SLIT3: variants seen among roughly 807,000 people sequenced by gnomAD.
SLIT3 encodes slit guidance ligand 3.
A neutral mutation model predicts 184.0 loss-of-function variants in SLIT3; 68 were observed. That is an observed-to-expected ratio of 0.37 (90% CI 0.30 to 0.45). The LOEUF is 0.45. Among genes scored for constraint, SLIT3 ranks in the 20% least tolerant of loss-of-function variants. SLIT3 has a pLI of 1.00. For synonymous variants in SLIT3, 831 were observed against 828.6 expected, an observed-to-expected ratio of 1.00 and a Z score of -0.05; for missense variants, 1,707 against 2,026.0, an observed-to-expected ratio of 0.84 and a Z score of 3.02.
At chr5:169,262,463 C>G (rs569804101) in intron 1 of SLIT3, among the ~76,000 whole-genome samples, 32 of 152,072 alleles carry the variant, frequency 2.1e-4, no homozygotes, top group Non-Finnish European at 4.3e-4. Flanking sequence ...AGAATGGAAA[C>G]AAAAAGGTCC....
chr5:168,817,173 A>G (rs889009667), intron 8 of SLIT3, 127 bp downstream of exon 8: 18 of 790,156 alleles, frequency 2.3e-5, no homozygotes, highest in South Asian at 3.3e-5. Flanking sequence ...ACTGAGGACG[A>G]CCTATGGGGT....
rs1761121188 is a variant in SLIT3, at chr5:169,127,402, C to A, written c.413+66077G>T. Among the ~76,000 whole-genome samples, 6 of 152,202 alleles carry A rather than the reference C, an allele frequency of 3.9e-5. No homozygotes were observed. In the South Asian group the frequency reaches 1.0e-3, roughly 26 times the overall value. ...CTCCACACAAAATGGTTTGCCCAGG[C>A]ACAGACAAAATATTTTAGTTTTGTG... On this transcript the variant is annotated intron_variant, in intron 4 of 35. Transcript: ENST00000519560.
chr5:169,263,245 G>T (rs1452268863), intron 1 of SLIT3, among the ~76,000 whole-genome samples: 1 of 152,198 alleles, frequency 6.6e-6, no homozygotes, highest in Non-Finnish European at 1.5e-5. Flanking sequence ...AGGAGGCTGA[G>T]GTGGCAGGAT....
intron 6 of SLIT3, among the ~76,000 whole-genome samples, chr5:168,824,129 A>C (rs1420806805): frequency 1.3e-5 from 2 of 152,024 alleles, no homozygotes; most frequent in East Asian, 3.9e-4. Flanking sequence ...TAGAGACAGG[A>C]TTTCACCATG....
At position 168,785,919 on chromosome 5, in the gene SLIT3, G is replaced by A. The variant is rs1197367816; in HGVS notation, c.1139C>T (p.Ser380Phe). 1 of 1,612,090 alleles carries A rather than the reference G, an allele frequency of 6.2e-7. No homozygotes were observed. The highest frequency in any genetic ancestry group is 1.1e-5 in the South Asian group (1 of 91,012). ...AGTTCCTACTCACAGCAGCTGTAGGGACACCAGCCCATCAAACAGTCCCTT... is the reference window on the plus strand; with the variant it reads ...AGTTCCTACTCACAGCAGCTGTAGGAACACCAGCCCATCAAACAGTCCCTT... ...IVKGLFDGLV[S>F]LQLLLLNANK... The change falls in exon 12 of 36, where the codon TCC (serine) becomes TTC (phenylalanine). Residue 380 changes from serine to phenylalanine, a missense_variant. Ser to Phe is a radical substitution (Grantham distance 155). Transcript: ENST00000519560.
chr5:168,670,109 TTC>T, intron 34 of SLIT3, 118 bp from the exon 35 acceptor site: 1 of 803,234 alleles, frequency 1.2e-6, no homozygotes, highest in Non-Finnish European at 2.1e-6. Flanking sequence ...TCCAATAGCT[TTC>T]TCTGTTTCCT....
At chr5:168,871,128 G>A (rs908790381) in intron 5 of SLIT3, among the ~76,000 whole-genome samples, 1 of 152,328 alleles carries the variant, frequency 6.6e-6, no homozygotes, top group East Asian at 1.9e-4. Flanking sequence ...CTGTTTTCCT[G>A]TCTTTTCCAG....
chr5:168,833,826 CT>C (rs889760182), intron 6 of SLIT3, among the ~76,000 whole-genome samples: 1 of 151,534 alleles, frequency 6.6e-6, no homozygotes, highest in Non-Finnish European at 1.5e-5. Context: ...GAGGGAGTTT[CT>C]TTTTTTTTAA....
At position 168,775,483 on chromosome 5, in the gene SLIT3, C is replaced by A. The variant is rs116768440; in HGVS notation, c.1152-1105G>T. ...CGCTCCTCAGAGAGGCCGGCCCTGA[C>A]CCCCTCATCTACAATGGGACCCTCA... On this transcript the variant is annotated intron_variant, in intron 12 of 35. Transcript: ENST00000519560. Among the ~76,000 whole-genome samples the A allele has an allele frequency of 1.5e-3, 232 of 152,192 alleles. 1 individual carries two copies. The highest frequency in any genetic ancestry group is 5.3e-3 in the African/African-American group (219 of 41,510).
At chr5:169,189,527 G>GATATATATATAT (rs4042723) in intron 4 of SLIT3, among the ~76,000 whole-genome samples, 3 of 80,314 alleles carry the variant, frequency 3.7e-5, no homozygotes, top group Admixed American at 2.4e-4. Context: ...AGATAGATGG[G>GATATATATATAT]ATATATATAT....
chr5:168,807,168 G>A (rs12522202), intron 8 of SLIT3, among the ~76,000 whole-genome samples: 20,325 of 152,156 alleles, frequency 0.13, 1,666 homozygotes, highest in East Asian at 0.29. Context: ...AAAAAGGTGA[G>A]TAAGTTACTA....
intron 24 of SLIT3, among the ~76,000 whole-genome samples, chr5:168,711,947 G>A (rs1280193122): frequency 3.3e-5 from 5 of 152,186 alleles, no homozygotes; most frequent in African/African-American, 1.2e-4. Context: ...GCTGTGCCAT[G>A]CTTAGACACA....
intron 4 of SLIT3, among the ~76,000 whole-genome samples, chr5:169,000,099 G>C (rs1755651434): frequency 1.3e-5 from 2 of 152,178 alleles, no homozygotes; most frequent in Admixed American, 6.5e-5. Context: ...CAAATGCTGC[G>C]ATCATTATTA....
intron 4 of SLIT3, among the ~76,000 whole-genome samples, chr5:169,034,932 TGTGTGTG>T (rs1757177469): frequency 1.3e-5 from 2 of 149,928 alleles, no homozygotes; most frequent in African/African-American, 5.0e-5. Context: ...TGTGTGTGTG[TGTGTGTG>T]TGTGTGTGTG....
In SLIT3 at chr5:168,666,359, C is replaced by CATTTCCTT; in HGVS notation, c.*87_*94dup. 1.6e-6 allele frequency: 2 copies of CATTTCCTT among 1,220,550 alleles called. No homozygotes were observed. Among genetic ancestry groups the CATTTCCTT allele is most frequent in the Non-Finnish European group, 2.2e-6 (2 of 913,242 alleles). 75.6% of individuals were successfully genotyped at this position (1,220,550 alleles called of 1,614,324 possible). ...TCTTCTTTACCTTCCTCTCCAGCTT[C>CATTTCCTT]ATTTCCTTCATGCTGAATCACCAGG... On this transcript the variant is annotated 3_prime_UTR_variant, in exon 36 of 36. Transcript: ENST00000519560.
At chr5:168,826,053 C>T (rs1281030107) in intron 6 of SLIT3, among the ~76,000 whole-genome samples, 2 of 152,196 alleles carry the variant, frequency 1.3e-5, no homozygotes, top group Non-Finnish European at 1.5e-5. Context: ...CATTCAACAT[C>T]AGGTGGAGTT....
At chr5:169,119,258 T>C (rs1760796728) in intron 4 of SLIT3, among the ~76,000 whole-genome samples, 1 of 152,154 alleles carries the variant, frequency 6.6e-6, no homozygotes, top group Admixed American at 6.5e-5. Context: ...CAAAATTAAA[T>C]CACCCAAAGG....
chr5:169,216,449 C>G (rs1764437502), intron 3 of SLIT3, among the ~76,000 whole-genome samples: 1 of 152,184 alleles, frequency 6.6e-6, no homozygotes, highest in South Asian at 2.1e-4. Flanking sequence ...TGGATTATAT[C>G]TAGAACTTGA....
At chr5:168,952,525 T>A (rs1315193637) in intron 4 of SLIT3, among the ~76,000 whole-genome samples, 90 of 23,590 alleles carry the variant, frequency 3.8e-3, no homozygotes, top group African/African-American at 6.7e-3. Flanking sequence ...GAAGGGAAAA[T>A]GCCAAAAAAA....
Sources: allele counts gnomAD v4.1 joint callset (sites outside exome capture counted in the v4.1 genomes callset), GRCh38; gene constraint gnomAD v4.1.1; transcripts MANE v1.5; gene names NCBI Gene and HGNC (gene_info 2026-07-23, HGNC 2026-07-21).